LAMA4: variants seen among roughly 807,000 people sequenced by gnomAD.
The protein encoded by LAMA4 is laminin subunit alpha-4.
A neutral mutation model predicts 207.1 loss-of-function variants in LAMA4; 127 were observed. The observed-to-expected ratio is 0.61, with a 90% confidence interval of 0.53 to 0.71. The LOEUF is 0.71. Among genes scored for constraint, LAMA4 ranks in the 30% least tolerant of loss-of-function variants. The probability of loss-of-function intolerance (pLI) is 0.00; values close to 1 mark genes in which losing one functional copy is unlikely to be tolerated. For synonymous variants in LAMA4, 761 were observed against 816.0 expected (o/e 0.93, Z 1.15); for missense variants, 2,093 against 2,246.5 (o/e 0.93, Z 1.38).
chr6:112,226,255 T>C (rs1011080741), intron 2 of LAMA4, among the ~76,000 whole-genome samples: 2 of 152,364 alleles, frequency 1.3e-5, no homozygotes, highest in East Asian at 3.9e-4. Flanking sequence ...TGGCTCTTCA[T>C]TCATTACCTA....
intron 38 of LAMA4, among the ~76,000 whole-genome samples, chr6:112,110,990 A>T (rs1777657193): frequency 6.6e-6 from 1 of 152,206 alleles, no homozygotes; most frequent in Non-Finnish European, 1.5e-5. Context: ...TCAGTAGAGG[A>T]ATGAATGGTT....
chr6:112,165,247 C>T lies in LAMA4; in HGVS notation c.1581G>A (p.Met527Ile). 1 of 1,613,104 alleles carries T rather than the reference C, an allele frequency of 6.2e-7. No homozygotes were observed. The highest frequency in any genetic ancestry group is 8.5e-7 in the Non-Finnish European group (1 of 1,179,070). Residue 527 changes from methionine to isoleucine, a missense_variant, in exon 13 of 39, where the codon ATG (methionine) becomes ATA (isoleucine). Physicochemically the swap from Met to Ile is conservative, Grantham distance 10. Coordinates refer to ENST00000230538, the MANE Select transcript of LAMA4 (RefSeq NM_001105206.3). ...TGCTCAGAGACATGTTCACCACTTC[C>T]ATTTGTTCCCTCACTCTTTCCTGTT... ...EKQQERVREQ[M>I]EVVNMSLSTS... is the part of the protein sequence containing the mutation.
In LAMA4 at chr6:112,117,771, TA is replaced by T. The variant is rs782586258; in HGVS notation, c.4948del (p.Tyr1650ThrfsTer11). 6.2e-7 allele frequency: 1 copy of T among 1,613,764 alleles called. No individual in the cohort carries two copies. Among genetic ancestry groups the T allele is most frequent in the Non-Finnish European group, 8.5e-7 (1 of 1,179,744 alleles). On this transcript the variant is annotated frameshift_variant, in exon 35 of 39. Coordinates refer to ENST00000230538, the MANE Select transcript of LAMA4 (RefSeq NM_001105206.3). LOFTEE classifies it high-confidence loss of function. The surrounding 1 kb of genome is among the most constrained non-coding windows in gnomAD (Gnocchi z 4.5). ...CFEGPMETGT[Y>X]FSTEGGYVVL... Reference sequence around the variant, plus strand: ...CACGTATCCTCCTTCTGTTGAAAAGTAAGTTCCTGTTTCCATGGGGCCTTCA... The same window carrying T: ...CACGTATCCTCCTTCTGTTGAAAAGTAGTTCCTGTTTCCATGGGGCCTTCA...
chr6:112,178,085 T>C, intron 10 of LAMA4, 36 bp downstream of exon 10: 1 of 1,412,752 alleles, frequency 7.1e-7, no homozygotes, highest in Non-Finnish European at 1.0e-6. Flanking sequence ...AAGTGTTTCC[T>C]TGATATTAAA....
At position 112,190,923 on chromosome 6, in the gene LAMA4, CTTTCTTTCTTTCTTTCTTTCTTTCCTTT is replaced by C. The variant is rs1562714226; in HGVS notation, c.718+685_718+712del. ...TCTTTCTTTCTTTCTTTCTTTCTTT[CTTTCTTTCTTTCTTTCTTTCTTTCCTTT>C]CTTTCTTTCTTTCTTTCTTTCTTTC... On this transcript the variant is annotated intron_variant, in intron 6 of 38. Coordinates refer to ENST00000230538, the MANE Select transcript of LAMA4 (RefSeq NM_001105206.3). 2.9e-3 allele frequency among the ~76,000 whole-genome samples: 281 copies of C among 97,240 alleles called. 2 individuals are homozygous for C. Among genetic ancestry groups the C allele is most frequent in the Admixed American group, 6.1e-3 (54 of 8,796 alleles). 63.8% of individuals were successfully genotyped at this position (97,240 alleles called of 152,430 possible).
At chr6:112,127,533 C>T (rs1338280805) in intron 31 of LAMA4, among the ~76,000 whole-genome samples, 1 of 151,850 alleles carries the variant, frequency 6.6e-6, no homozygotes, top group African/African-American at 2.4e-5. Context: ...GGGAGGTGGG[C>T]AAGTAGGAGG....
At position 112,109,528 on chromosome 6, in the gene LAMA4, C is replaced by T. The variant is rs782780328; in HGVS notation, c.5381G>A (p.Arg1794His). 17 of 1,613,836 alleles carry T rather than the reference C, an allele frequency of 1.1e-5. No homozygotes were observed. Among genetic ancestry groups the T allele is most frequent in the South Asian group, 6.6e-5 (6 of 91,088 alleles). The change falls in exon 39 of 39, where the codon CGC (arginine) becomes CAC (histidine). Residue 1794 changes from arginine (R) to histidine (H), a missense_variant. Physicochemically the swap from Arg to His is conservative, Grantham distance 29. Transcript: ENST00000230538. ...TGGGTGTCCATCAATCACAAAGTGG[C>T]GTATGCAGCCTGTGAAGGGTTTGCT... ...APSKPFTGCIRHFVIDGHPVS... is the reference protein window; with the variant it reads ...APSKPFTGCIHHFVIDGHPVS...
At chr6:112,128,822 G>A in intron 31 of LAMA4, 100 bp downstream of exon 31, 1 of 997,570 alleles carries the variant, frequency 1.0e-6, no homozygotes, top group Non-Finnish European at 1.6e-6. Context: ...TATGTACGTA[G>A]TTGCAAAGTA....
chr6:112,254,451 G>C lies in LAMA4; in HGVS notation c.-142+8C>G, dbSNP rs1787727554. On this transcript the variant is annotated splice_region_variant and intron_variant, in intron 1 of 38. Transcript: ENST00000230538. ...TGGCTCAAGAACCTACAGATGGACG[G>C]AGCTTACAGTACGGCATCAAAAGGC... 4.3e-6 allele frequency: 2 copies of C among 467,550 alleles called. No homozygotes were observed. The highest frequency in any genetic ancestry group is 3.9e-6 in the Non-Finnish European group (1 of 253,284). 29.0% of individuals were successfully genotyped at this position (467,550 alleles called of 1,614,324 possible). A position where few individuals can be genotyped will look rare whatever the true frequency, so the allele number is the denominator to read the frequency against.
At chr6:112,205,807 C>T (rs548312043) in intron 4 of LAMA4, among the ~76,000 whole-genome samples, 3 of 152,110 alleles carry the variant, frequency 2.0e-5, no homozygotes, top group South Asian at 2.1e-4. Context: ...CCCTCCCCAC[C>T]CCCAACCTCC....
intron 3 of LAMA4, among the ~76,000 whole-genome samples, chr6:112,209,762 T>C (rs929513275): frequency 6.6e-6 from 1 of 152,206 alleles, no homozygotes; most frequent in Non-Finnish European, 1.5e-5. Context: ...TGCTCTGGCA[T>C]TTAAAAAACA....
At chr6:112,130,131 T>C in intron 29 of LAMA4, 91 bp from the exon 30 acceptor site, 21 of 1,055,246 alleles carry the variant, frequency 2.0e-5, no homozygotes, top group Middle Eastern at 2.0e-4. Flanking sequence ...TCTCATGAAA[T>C]TGAAATGGAA....
rs1778275141 is a variant in LAMA4 at position 112,120,335 on chromosome 6, T to C, written c.4613A>G (p.Lys1538Arg). 1 of 1,614,076 alleles carries C rather than the reference T, an allele frequency of 6.2e-7. No individual in the cohort carries two copies. Residue 1538 changes from lysine (K) to arginine (R), a missense_variant, in exon 33 of 39, where the codon AAA becomes AGA. Around this residue, in one of 3 missense-constraint regions of LAMA4, gnomAD observed 383 missense variants for 437.8 expected, o/e 0.87. Coordinates refer to ENST00000230538, the MANE Select transcript of LAMA4 (RefSeq NM_001105206.3). ...CTCCTGGCTTCTAATCTTCAGTTTT[T>C]TGTGACCAACATTAAACATGTAAAC... ...RLVYMFNVGHKKLKIRSQEKY... is the reference protein window; with the variant it reads ...RLVYMFNVGHRKLKIRSQEKY...
chr6:112,160,025 C>G (rs1413890028), intron 13 of LAMA4, among the ~76,000 whole-genome samples: 1 of 152,154 alleles, frequency 6.6e-6, no homozygotes, highest in Non-Finnish European at 1.5e-5. Context: ...GACTGAATGT[C>G]AGCTACCCCA....
intron 2 of LAMA4, among the ~76,000 whole-genome samples, chr6:112,247,324 C>T (rs1271944781): frequency 8.5e-5 from 13 of 152,236 alleles, no homozygotes; most frequent in Non-Finnish European, 1.5e-5. Context: ...CACAGCGCAT[C>T]TGTCTGGTTG....
chr6:112,240,368 A>C (rs1786321407), intron 2 of LAMA4, among the ~76,000 whole-genome samples: 1 of 152,158 alleles, frequency 6.6e-6, no homozygotes, highest in Non-Finnish European at 1.5e-5. Flanking sequence ...AGAATGGTGT[A>C]TCCATCCCCT....
At chr6:112,154,168 G>A (rs1455203779) in intron 16 of LAMA4, among the ~76,000 whole-genome samples, 11 of 151,926 alleles carry the variant, frequency 7.2e-5, no homozygotes, top group South Asian at 2.1e-4. Flanking sequence ...TAGTCCATTC[G>A]ATTGTTTTTA....
chr6:112,250,988 C>G (rs1212131286), intron 2 of LAMA4, among the ~76,000 whole-genome samples: 1 of 152,118 alleles, frequency 6.6e-6, no homozygotes, highest in Non-Finnish European at 1.5e-5. Flanking sequence ...TATTAGAATA[C>G]TGATTATCAT....
rs1237929982 is a variant in LAMA4 at position 112,214,095 on chromosome 6, C to G, written c.297+2273G>C. Reference sequence around the variant, plus strand: ...TCTGGGATAGCGGCACCAAAGGAAACAGAAAAAAATGAGTTTGATTCCAGT... The same window carrying G: ...TCTGGGATAGCGGCACCAAAGGAAAGAGAAAAAAATGAGTTTGATTCCAGT... On this transcript the variant is annotated intron_variant, in intron 3 of 38. Coordinates refer to ENST00000230538, the MANE Select transcript of LAMA4 (RefSeq NM_001105206.3). 4 of 715,714 alleles carry G rather than the reference C, an allele frequency of 5.6e-6. No individual in the cohort carries two copies. The East Asian group carries it at 7.7e-5, about 14-fold the overall frequency. The allele number at this position is 715,714 out of a possible 1,614,324, so 44.3% of individuals were successfully genotyped here.
Sources: gnomAD v4.1 joint callset for allele counts (sites outside exome capture counted in the v4.1 genomes callset) on GRCh38, gnomAD v4.1.1 for gene constraint, gnomAD v4.1.1 regional missense constraint, Gnocchi (gnomAD v3.1) non-coding constraint, MANE v1.5 for transcripts, NCBI Gene and HGNC (gene_info 2026-07-23, HGNC 2026-07-21) for gene names.